The following CFAP299 variants were observed in gnomAD, a reference collection of about 807,000 sequenced individuals.
CFAP299 encodes cilia and flagella associated protein 299.
In CFAP299, 21 loss-of-function variants were observed where a neutral mutation model predicts 27.0. The ratio of observed to expected loss-of-function variants is 0.78; its 90% CI spans 0.55 to 1.12. CFAP299 has a LOEUF of 1.12. Among genes scored for constraint, CFAP299 ranks in the 50% most tolerant of loss-of-function variants. CFAP299 has a pLI of 0.00. For synonymous variants in CFAP299, 104 were observed against 98.1 expected, an observed-to-expected ratio of 1.06 and a Z score of -0.36; for missense variants, 310 against 276.6, an observed-to-expected ratio of 1.12 and a Z score of -0.86.
chr4:80,958,815 C>G (rs1026337485), intron 5 of CFAP299, among the ~76,000 whole-genome samples: 10 of 152,156 alleles, frequency 6.6e-5, no homozygotes, highest in African/African-American at 2.2e-4. Flanking sequence ...CCAATGTCAG[C>G]TCAGCTTTGA....
chr4:80,414,180 C>T (rs1726884640), intron 2 of CFAP299, among the ~76,000 whole-genome samples: 1 of 148,682 alleles, frequency 6.7e-6, no homozygotes, highest in South Asian at 2.2e-4. Context: ...ACGCCATTCT[C>T]CTGCCTCAGC....
chr4:80,490,432 TTTGAC>T (rs1731056191), intron 2 of CFAP299, among the ~76,000 whole-genome samples: 1 of 152,238 alleles, frequency 6.6e-6, no homozygotes, highest in African/African-American at 2.4e-5. Context: ...ACCGCACACT[TTTGAC>T]TTGATGTTTT....
chr4:80,547,950 T>C (rs887402191), intron 2 of CFAP299, among the ~76,000 whole-genome samples: 1 of 152,188 alleles, frequency 6.6e-6, no homozygotes, highest in African/African-American at 2.4e-5. Flanking sequence ...GTTTAGCCAC[T>C]GTGGAATACA....
At chr4:80,840,396 G>T (rs1730798363) in intron 3 of CFAP299, among the ~76,000 whole-genome samples, 1 of 152,042 alleles carries the variant, frequency 6.6e-6, no homozygotes. Flanking sequence ...TAGACAAGTT[G>T]GAGTTTTGTC....
chr4:80,916,374 A>G (rs1321271465), intron 4 of CFAP299, among the ~76,000 whole-genome samples: 2 of 148,114 alleles, frequency 1.4e-5, no homozygotes, highest in Non-Finnish European at 1.5e-5. Flanking sequence ...TGGATTTTAC[A>G]TTATTTGATG....
intron 2 of CFAP299, among the ~76,000 whole-genome samples, chr4:80,579,403 A>G (rs1216072157): frequency 1.3e-5 from 2 of 152,172 alleles, no homozygotes; most frequent in African/African-American, 4.8e-5. Flanking sequence ...TACATGCCCA[A>G]GTGAAAACAG....
intron 2 of CFAP299, among the ~76,000 whole-genome samples, chr4:80,445,934 T>C (rs1728595057): frequency 6.6e-6 from 1 of 152,176 alleles, no homozygotes; most frequent in South Asian, 2.1e-4. Context: ...GTATGTGGTG[T>C]TGAATTGGCC....
At chr4:80,419,464 ACT>A (rs757677404) in intron 2 of CFAP299, among the ~76,000 whole-genome samples, 28 of 151,928 alleles carry the variant, frequency 1.8e-4, no homozygotes, top group Admixed American at 2.6e-4. Context: ...TAGCAGTGAA[ACT>A]CTGCCATTTT....
intron 5 of CFAP299, among the ~76,000 whole-genome samples, chr4:80,958,222 A>C (rs942344414): frequency 6.6e-6 from 1 of 152,190 alleles, no homozygotes; most frequent in African/African-American, 2.4e-5. Flanking sequence ...CAAGGAGTAG[A>C]CCAGATTGTA....
chr4:80,494,834 G>A (rs1007908011), intron 2 of CFAP299, among the ~76,000 whole-genome samples: 3 of 152,020 alleles, frequency 2.0e-5, no homozygotes, highest in African/African-American at 7.2e-5. Context: ...ATACAATGGG[G>A]GTATAAACAT....
chr4:80,813,837 A>T (rs1729284311), intron 3 of CFAP299, among the ~76,000 whole-genome samples: 1 of 152,044 alleles, frequency 6.6e-6, no homozygotes. Context: ...ATAATTTATT[A>T]TCCAGAAAAG....
intron 2 of CFAP299, among the ~76,000 whole-genome samples, chr4:80,458,536 A>G (rs1423000525): frequency 2.0e-5 from 3 of 152,198 alleles, no homozygotes; most frequent in Non-Finnish European, 4.4e-5. Flanking sequence ...TGTATTTTTT[A>G]TATTTATAAG....
At chr4:80,542,889 C>T (rs1156591993) in intron 2 of CFAP299, among the ~76,000 whole-genome samples, 1 of 152,022 alleles carries the variant, frequency 6.6e-6, no homozygotes, top group Non-Finnish European at 1.5e-5. Context: ...GAGTGCTTCT[C>T]ACCTGCATGC....
At position 80,926,737 on chromosome 4, in the gene CFAP299, TAATC is replaced by T. The variant is rs370262605; in HGVS notation, c.477-18071_477-18068del. On this transcript the variant is annotated intron_variant, in intron 4 of 5. Coordinates refer to ENST00000358105, the MANE Select transcript of CFAP299 (RefSeq NM_152770.3). ...AAAAATGTCAATAGAGGGAGGAAAA[TAATC>T]AGTTGCAAAAGAAAATTTGAGAGTA... 7.7e-3 allele frequency among the ~76,000 whole-genome samples: 1,173 copies of T among 152,114 alleles called. 3 individuals carry two copies. The highest frequency in any genetic ancestry group is 0.014 in the Middle Eastern group (4 of 294).
At chr4:80,632,011 A>G (rs545211687) in intron 3 of CFAP299, among the ~76,000 whole-genome samples, 5 of 151,978 alleles carry the variant, frequency 3.3e-5, no homozygotes, top group African/African-American at 1.2e-4. Context: ...GGCCCCAGAG[A>G]GCTGCTTTGC....
chr4:80,821,270 A>G (rs1438559774), intron 3 of CFAP299, among the ~76,000 whole-genome samples: 2 of 152,202 alleles, frequency 1.3e-5, no homozygotes, highest in African/African-American at 4.8e-5. Flanking sequence ...TTGATAAGAA[A>G]GCTTCATTCT....
At chr4:80,376,809 C>T (rs1025918176) in intron 2 of CFAP299, among the ~76,000 whole-genome samples, 1 of 152,144 alleles carries the variant, frequency 6.6e-6, no homozygotes, top group African/African-American at 2.4e-5. Flanking sequence ...TGCCCGCCAC[C>T]ACGCCTGGCT....
chr4:80,623,701 A>C (rs966631909), intron 3 of CFAP299, among the ~76,000 whole-genome samples: 2 of 152,158 alleles, frequency 1.3e-5, no homozygotes, highest in African/African-American at 4.8e-5. Flanking sequence ...AAAGAGAAGA[A>C]AGTGAGCATA....
intron 2 of CFAP299, among the ~76,000 whole-genome samples, chr4:80,487,216 C>T (rs756304340): frequency 6.6e-6 from 1 of 152,190 alleles, no homozygotes; most frequent in Admixed American, 6.5e-5. Flanking sequence ...CTAATGAGAA[C>T]TCCCCTTAAG....
Sources: gnomAD v4.1 joint callset for allele counts (sites outside exome capture counted in the v4.1 genomes callset) on GRCh38, gnomAD v4.1.1 for gene constraint, MANE v1.5 for transcripts, NCBI Gene and HGNC (gene_info 2026-07-23, HGNC 2026-07-21) for gene names.